Variants in ZNF407 observed in about 807,000 individuals in gnomAD.
ZNF407 encodes the protein zinc finger protein 407.
Under a neutral mutation model 131.2 loss-of-function variants are expected in ZNF407, and 17 were observed. The observed-to-expected ratio is 0.13, with a 90% confidence interval of 0.09 to 0.19. The LOEUF (loss-of-function observed/expected upper bound fraction) is 0.19, where lower values mean the gene tolerates loss of function less well. ZNF407 is among the 10% of genes least tolerant of loss of function. The pLI is 1.00. For synonymous variants in ZNF407, 1,156 were observed against 1,062.0 expected (o/e 1.09, Z -1.72); for missense variants, 2,681 against 2,830.6 (o/e 0.95, Z 1.20).
chr18:74,939,995 G>C (rs566225971), intron 8 of ZNF407, among the ~76,000 whole-genome samples: 1 of 152,182 alleles, frequency 6.6e-6, no homozygotes, highest in South Asian at 2.1e-4. Context: ...AACCTTTCTT[G>C]GTCATGGATT....
At chr18:74,660,474 A>C (rs1251863097) in intron 3 of ZNF407, among the ~76,000 whole-genome samples, 1 of 152,146 alleles carries the variant, frequency 6.6e-6, no homozygotes, top group Non-Finnish European at 1.5e-5. Context: ...GTGATAAACT[A>C]AACTGACTCC....
intron 8 of ZNF407, among the ~76,000 whole-genome samples, chr18:74,925,344 T>A (rs1971899651): frequency 6.6e-6 from 1 of 152,222 alleles, no homozygotes; most frequent in African/African-American, 2.4e-5. Context: ...TATTTAACTG[T>A]ATTCCCTACA....
At chr18:75,041,793 T>C (rs1973377044) in intron 8 of ZNF407, among the ~76,000 whole-genome samples, 1 of 152,212 alleles carries the variant, frequency 6.6e-6, no homozygotes, top group South Asian at 2.1e-4. Context: ...GCCACATTCA[T>C]TCAAGAGGTA....
chr18:74,866,987 G>GAAAAAAAAA (rs35418996), intron 4 of ZNF407, among the ~76,000 whole-genome samples: 1 of 62,788 alleles, frequency 1.6e-5, no homozygotes, highest in Non-Finnish European at 2.9e-5. Context: ...GTGTCTACCC[G>GAAAAAAAAA]AAAAAAAAAA....
At chr18:74,630,536 G>A (rs944362297) in intron 1 of ZNF407, among the ~76,000 whole-genome samples, 1 of 152,116 alleles carries the variant, frequency 6.6e-6, no homozygotes, top group East Asian at 1.9e-4. Flanking sequence ...AGGTTAAGGA[G>A]GGGAAGGCCT....
chr18:75,025,084 G>A (rs1243906603), intron 8 of ZNF407, among the ~76,000 whole-genome samples: 2 of 152,204 alleles, frequency 1.3e-5, no homozygotes, highest in Non-Finnish European at 2.9e-5. Flanking sequence ...CGCGCAAAAT[G>A]CATAGAGCTT....
Position 74,785,884 on chromosome 18 carries a change from GCACATGGCACT to G in ZNF407, c.4877+4390_4877+4400del, listed in dbSNP as rs551255219. On this transcript the variant is annotated intron_variant, in intron 4 of 8. Transcript: ENST00000299687. ...GGCACACACGTCACTCACATGGCAC[GCACATGGCACT>G]CACATGGGACACACATGTCACATGG... 3.5e-3 allele frequency among the ~76,000 whole-genome samples: 356 copies of G among 102,422 alleles called. 3 individuals carry two copies. Among genetic ancestry groups the G allele is most frequent in the African/African-American group, 0.01 (339 of 32,540 alleles). The allele number at this position is 102,422 out of a possible 152,430, so 67.2% of individuals were successfully genotyped here. A position where few individuals can be genotyped will look rare whatever the true frequency, so the allele number is the denominator to read the frequency against.
intron 8 of ZNF407, among the ~76,000 whole-genome samples, chr18:75,025,270 A>G (rs973634261): frequency 1.3e-5 from 2 of 152,226 alleles, no homozygotes; most frequent in Admixed American, 6.5e-5. Flanking sequence ...AAGGTATTCA[A>G]TCATTTTGAT....
chr18:74,993,975 C>G (rs528760790), intron 8 of ZNF407, among the ~76,000 whole-genome samples: 1 of 152,190 alleles, frequency 6.6e-6, no homozygotes, highest in Non-Finnish European at 1.5e-5. Context: ...TTCACAGACA[C>G]GCCACATAAT....
intron 3 of ZNF407, among the ~76,000 whole-genome samples, chr18:74,757,769 C>G (rs1199157184): frequency 4.0e-5 from 6 of 151,746 alleles, no homozygotes; most frequent in Non-Finnish European, 8.8e-5. Context: ...GTTGAAATTT[C>G]TGCTTCATTT....
intron 3 of ZNF407, among the ~76,000 whole-genome samples, chr18:74,704,228 G>C (rs1414440345): frequency 6.6e-6 from 1 of 152,110 alleles, no homozygotes; most frequent in Non-Finnish European, 1.5e-5. Context: ...CCATCGCTGC[G>C]CTTCGTGGGC....
chr18:74,601,008 G>A (rs1911154025), intron 1 of ZNF407, among the ~76,000 whole-genome samples: 1 of 152,176 alleles, frequency 6.6e-6, no homozygotes, highest in Non-Finnish European at 1.5e-5. Context: ...TCTGAACTAG[G>A]ATAGTGGCCC....
chr18:74,789,341 G>T (rs570722958), intron 4 of ZNF407, among the ~76,000 whole-genome samples: 2 of 152,256 alleles, frequency 1.3e-5, no homozygotes, highest in Admixed American at 1.3e-4. Context: ...GGTGTGCCTT[G>T]AGCTCAGTGG....
intron 3 of ZNF407, among the ~76,000 whole-genome samples, chr18:74,669,630 C>G (rs1481555106): frequency 6.6e-6 from 1 of 152,182 alleles, no homozygotes; most frequent in Non-Finnish European, 1.5e-5. Flanking sequence ...CTCAGTGTTT[C>G]TGTGTTTCTC....
intron 3 of ZNF407, among the ~76,000 whole-genome samples, chr18:74,647,770 G>T (rs1362305477): frequency 6.6e-6 from 1 of 152,144 alleles, no homozygotes; most frequent in Non-Finnish European, 1.5e-5. Context: ...TGGTGACAAG[G>T]TGGTGCCCGG....
intron 8 of ZNF407, among the ~76,000 whole-genome samples, chr18:74,993,806 G>A (rs972775975): frequency 6.6e-6 from 1 of 152,218 alleles, no homozygotes; most frequent in African/African-American, 2.4e-5. Context: ...TTTGGGTATA[G>A]GATATGGAAA....
At chr18:74,958,356 A>G (rs575049905) in intron 8 of ZNF407, among the ~76,000 whole-genome samples, 2 of 152,312 alleles carry the variant, frequency 1.3e-5, no homozygotes, top group South Asian at 2.1e-4. Flanking sequence ...AAGGTGAGAA[A>G]GCAGGATTTG....
intron 7 of ZNF407, among the ~76,000 whole-genome samples, chr18:74,891,595 C>T (rs780463019): frequency 2.6e-5 from 4 of 152,116 alleles, no homozygotes; most frequent in East Asian, 1.9e-4. Context: ...GTTCTGTCTT[C>T]GCTTAACACT....
At chr18:74,664,196 C>T (rs1012633463) in intron 3 of ZNF407, among the ~76,000 whole-genome samples, 2 of 152,168 alleles carry the variant, frequency 1.3e-5, no homozygotes, top group African/African-American at 4.8e-5. Context: ...TCACCACAGT[C>T]TCTTAAAAGA....
Sources: allele counts gnomAD v4.1 joint callset (sites outside exome capture counted in the v4.1 genomes callset), GRCh38; gene constraint gnomAD v4.1.1; transcripts MANE v1.5; gene names NCBI Gene and HGNC (gene_info 2026-07-23, HGNC 2026-07-21).